Variants in EIF2B3 observed in about 807,000 individuals in gnomAD.
EIF2B3 encodes translation initiation factor eIF2B subunit gamma.
Under a neutral mutation model 54.1 loss-of-function variants are expected in EIF2B3, and 20 were observed. The observed-to-expected ratio is 0.37, with a 90% confidence interval of 0.26 to 0.54. EIF2B3 has a LOEUF of 0.54. Among genes scored for constraint, EIF2B3 ranks in the 20% least tolerant of loss-of-function variants. The pLI, the probability that EIF2B3 is intolerant of heterozygous loss-of-function variation, is 0.86. For synonymous variants in EIF2B3, 153 were observed against 188.1 expected (o/e 0.81, Z 1.52); for missense variants, 448 against 547.8 (o/e 0.82, Z 1.82).
At chr1:44,916,388 T>C (rs1223122362) in intron 5 of EIF2B3, among the ~76,000 whole-genome samples, 1 of 150,308 alleles carries the variant, frequency 6.7e-6, no homozygotes, top group Admixed American at 6.7e-5. Flanking sequence ...TGCTTGGTTA[T>C]TTTTTTTTAT....
chr1:44,877,167 G>T (rs577329730), intron 8 of EIF2B3, among the ~76,000 whole-genome samples: 15 of 115,968 alleles, frequency 1.3e-4, no homozygotes, highest in African/African-American at 5.0e-4. Context: ...ATCCCCCTCT[G>T]CGAGAAACAC....
At chr1:44,851,242 T>G (rs1436096885) in intron 11 of EIF2B3, among the ~76,000 whole-genome samples, 1 of 152,078 alleles carries the variant, frequency 6.6e-6, no homozygotes, top group Non-Finnish European at 1.5e-5. Context: ...CTTTTGTATT[T>G]TTAGTAGAGA....
chr1:44,917,676 A>G (rs1391798184), intron 5 of EIF2B3, among the ~76,000 whole-genome samples: 1 of 133,430 alleles, frequency 7.5e-6, no homozygotes, highest in Non-Finnish European at 1.6e-5. Context: ...TTTCCTGCCC[A>G]TTTTCTGTTC....
chr1:44,916,584 G>A (rs1054702061), intron 5 of EIF2B3, among the ~76,000 whole-genome samples: 3 of 147,982 alleles, frequency 2.0e-5, no homozygotes, highest in African/African-American at 7.4e-5. Context: ...ACTTTGGGAG[G>A]CCAAGGTGGG....
At chr1:44,892,279 C>G (rs1368010377) in intron 6 of EIF2B3, among the ~76,000 whole-genome samples, 1 of 152,056 alleles carries the variant, frequency 6.6e-6, no homozygotes, top group Non-Finnish European at 1.5e-5. Context: ...TTTTTGGATA[C>G]AGAAGGTAGA....
intron 5 of EIF2B3, among the ~76,000 whole-genome samples, chr1:44,913,790 G>C (rs536821054): frequency 6.6e-6 from 1 of 151,312 alleles, no homozygotes; most frequent in East Asian, 1.9e-4. Flanking sequence ...GTGAGCCACC[G>C]CACCCAGCCT....
At chr1:44,876,809 A>G (rs1655176231) in intron 8 of EIF2B3, among the ~76,000 whole-genome samples, 1 of 144,516 alleles carries the variant, frequency 6.9e-6, no homozygotes, top group Non-Finnish European at 1.5e-5. Flanking sequence ...GTCTGTGTAG[A>G]GAGAAGTAGA....
intron 6 of EIF2B3, among the ~76,000 whole-genome samples, chr1:44,886,076 ATAACACTCAATG>A (rs1354829245): frequency 6.7e-6 from 1 of 150,208 alleles, no homozygotes; most frequent in African/African-American, 2.5e-5. Flanking sequence ...TAAAATGCTT[ATAACACTCAATG>A]AAAAAAGCAA....
At position 44,881,466 on chromosome 1, in the gene EIF2B3, G is replaced by A; in HGVS notation, c.784+146C>T. ...TGAGCAAGCTTACCCAGAGCTCAGT[G>A]GGTTGGCAAGCCTGTCTTGCCTCGT... On this transcript the variant is annotated intron_variant, in intron 7 of 11. Transcript: ENST00000360403. The surrounding 1 kb of genome is among the most constrained non-coding windows in gnomAD (Gnocchi z 4.0). 2 of 1,097,414 alleles carry A rather than the reference G, an allele frequency of 1.8e-6. No individual in the cohort carries two copies. Among genetic ancestry groups the A allele is most frequent in the South Asian group, 1.3e-5 (1 of 79,446 alleles). The allele number at this position is 1,097,414 out of a possible 1,614,324, so 68.0% of individuals were successfully genotyped here. A position where few individuals can be genotyped will look rare whatever the true frequency, so the allele number is the denominator to read the frequency against.
chr1:44,883,766 A>G (rs1287528434), intron 6 of EIF2B3, among the ~76,000 whole-genome samples: 1 of 152,202 alleles, frequency 6.6e-6, no homozygotes, highest in East Asian at 1.9e-4. Context: ...AATCGTCTCT[A>G]TCTCGGCAGC....
chr1:44,965,098 A>G (rs1644323652), intron 3 of EIF2B3, among the ~76,000 whole-genome samples: 1 of 152,204 alleles, frequency 6.6e-6, no homozygotes, highest in Admixed American at 6.5e-5. Flanking sequence ...TCTTGTTCAC[A>G]TGGCTCTAGA....
chr1:44,949,857 G>C (rs1049617367), intron 3 of EIF2B3, among the ~76,000 whole-genome samples: 2 of 152,134 alleles, frequency 1.3e-5, no homozygotes, highest in African/African-American at 4.8e-5. Context: ...TTCAGATTAA[G>C]AACAAATAGA....
chr1:44,880,375 C>T (rs979531577), intron 7 of EIF2B3, among the ~76,000 whole-genome samples: 10 of 152,154 alleles, frequency 6.6e-5, no homozygotes, highest in Admixed American at 1.3e-4. Flanking sequence ...ATGCTTAATA[C>T]GAGGTCCTAA....
intron 3 of EIF2B3, among the ~76,000 whole-genome samples, chr1:44,942,948 C>T (rs1644053825): frequency 1.3e-5 from 2 of 151,910 alleles, no homozygotes; most frequent in South Asian, 2.1e-4. Flanking sequence ...CTCCGCCTCC[C>T]GGGTTCATGC....
intron 3 of EIF2B3, among the ~76,000 whole-genome samples, chr1:44,967,739 CAAAAAAAAAAA>C (rs35067923): frequency 2.0e-5 from 1 of 49,548 alleles, no homozygotes; most frequent in Non-Finnish European, 4.2e-5. Flanking sequence ...ATGCTGTCTT[CAAAAAAAAAAA>C]AAAAAAAAAG....
chr1:44,850,828 A>C lies in EIF2B3; in HGVS notation c.*123T>G. On this transcript the variant is annotated 3_prime_UTR_variant, in exon 12 of 12. Coordinates refer to ENST00000360403, the MANE Select transcript of EIF2B3 (RefSeq NM_020365.5). ...GACATGGAGCTTTGGACTGCTCCAC[A>C]AGTCTCCAGCATGCCTTTGGAAGCC... is the stretch of plus-strand genomic sequence containing the variant. 1 of 1,094,938 alleles carries C rather than the reference A, an allele frequency of 9.1e-7. No individual in the cohort carries two copies. The highest frequency in any genetic ancestry group is 1.4e-6 in the Non-Finnish European group (1 of 714,772). 67.8% of individuals were successfully genotyped at this position (1,094,938 alleles called of 1,614,324 possible).
chr1:44,876,756 C>T (rs1325399371), intron 8 of EIF2B3, among the ~76,000 whole-genome samples: 8 of 142,940 alleles, frequency 5.6e-5, no homozygotes, highest in African/African-American at 1.6e-4. Flanking sequence ...AATAGAAAGG[C>T]GGGAAAGGTG....
At chr1:44,913,616 C>T (rs1361034271) in intron 5 of EIF2B3, among the ~76,000 whole-genome samples, 1 of 152,048 alleles carries the variant, frequency 6.6e-6, no homozygotes, top group African/African-American at 2.4e-5. Context: ...GGGATCTTCC[C>T]GTCTCCGCCT....
chr1:44,922,897 G>A (rs1643781012), intron 5 of EIF2B3, among the ~76,000 whole-genome samples: 2 of 126,720 alleles, frequency 1.6e-5, no homozygotes, highest in South Asian at 5.3e-4. Context: ...CCAGGCTGGA[G>A]TGCAGCGGCA....
Sources: allele counts gnomAD v4.1 joint callset (sites outside exome capture counted in the v4.1 genomes callset), GRCh38; gene constraint gnomAD v4.1.1; non-coding constraint Gnocchi (gnomAD v3.1); transcripts MANE v1.5; gene names NCBI Gene and HGNC (gene_info 2026-07-23, HGNC 2026-07-21).